The following PICALM variants were observed in gnomAD, a reference collection of about 807,000 sequenced individuals.
PICALM encodes the protein phosphatidylinositol binding clathrin assembly protein, also known as phosphatidylinositol-binding clathrin assembly protein.
PICALM carries 40 observed loss-of-function variants against 80.5 expected under a neutral mutation model. That is an observed-to-expected ratio of 0.50 (90% CI 0.39 to 0.65). PICALM has a LOEUF of 0.65. Among genes scored for constraint, PICALM ranks in the 30% least tolerant of loss-of-function variants. PICALM has a pLI of 0.00. For missense variants in PICALM, 676 were observed against 778.9 expected, an observed-to-expected ratio of 0.87 and a Z score of 1.57; for synonymous variants, 288 against 260.3, an observed-to-expected ratio of 1.11 and a Z score of -1.02.
intron 13 of PICALM, among the ~76,000 whole-genome samples, chr11:85,988,818 A>G (rs148118625): frequency 1.1e-3 from 162 of 152,382 alleles, no homozygotes; most frequent in African/African-American, 2.8e-3. Context: ...TCCATGAAGT[A>G]TTAAAAAAAC....
intron 12 of PICALM, among the ~76,000 whole-genome samples, chr11:85,993,307 G>A (rs548688414): frequency 3.3e-5 from 5 of 151,240 alleles, no homozygotes; most frequent in South Asian, 4.2e-4. Context: ...GGCTGGTCTC[G>A]AACTCCTGGG....
At chr11:85,998,946 C>T (rs780258795) in intron 11 of PICALM, among the ~76,000 whole-genome samples, 1 of 152,186 alleles carries the variant, frequency 6.6e-6, no homozygotes, top group African/African-American at 2.4e-5. Context: ...CTTATATATT[C>T]TCCAAAATAG....
rs779519925 is a variant in PICALM at position 86,003,467 on chromosome 11, T to C, written c.808-16A>G. 2.7e-6 allele frequency: 4 copies of C among 1,496,546 alleles called. No homozygotes were observed. Among genetic ancestry groups the C allele is most frequent in the Admixed American group, 3.6e-5 (2 of 55,066 alleles). 92.7% of individuals were successfully genotyped at this position (1,496,546 alleles called of 1,614,324 possible). A position where few individuals can be genotyped will look rare whatever the true frequency, so the allele number is the denominator to read the frequency against. ...TGCTAGGGGCCTGCAATTGTACAAATATTAAGAATTTCATGATAATTAGGC... is the reference window on the plus strand; with the variant it reads ...TGCTAGGGGCCTGCAATTGTACAAACATTAAGAATTTCATGATAATTAGGC... On this transcript the variant is annotated splice_polypyrimidine_tract_variant and intron_variant, in intron 8 of 19. Coordinates refer to ENST00000393346, the MANE Select transcript of PICALM (RefSeq NM_007166.4).
chr11:85,970,702 G>A (rs189110600), intron 19 of PICALM, among the ~76,000 whole-genome samples: 3 of 152,148 alleles, frequency 2.0e-5, no homozygotes, highest in African/African-American at 4.8e-5. Context: ...CAGCTGCCGG[G>A]GAGGCTGAGG....
rs188914418 is a variant in PICALM, at chr11:86,040,045, A to T, written c.131-8434T>A. ...AAAAAAAAGGCAACAAAATAAAGTT[A>T]TGTTGCAGATGCAGAGATCAGAAAT... is the stretch of plus-strand genomic sequence containing the variant. On this transcript the variant is annotated intron_variant, in intron 1 of 19. Transcript: ENST00000393346. Among the ~76,000 whole-genome samples the T allele has an allele frequency of 1.3e-3, 194 of 151,000 alleles. 1 individual carries two copies. Among genetic ancestry groups the T allele is most frequent in the African/African-American group, 4.6e-3 (189 of 41,360 alleles).
Position 85,958,927 on chromosome 11 carries a change from C to T in PICALM, c.*119G>A, listed in dbSNP as rs1457646151. On this transcript the variant is annotated 3_prime_UTR_variant, in exon 20 of 20. Transcript: ENST00000393346. ...CCTTCACTGAGTTACTTGTAGCATT[C>T]TAATGGAAGAAGAGAGTTTAAGAGA... 4.5e-6 allele frequency: 3 copies of T among 672,702 alleles called. No individual in the cohort carries two copies. The highest frequency in any genetic ancestry group is 7.7e-6 in the Non-Finnish European group (3 of 388,990). 41.7% of individuals were successfully genotyped at this position (672,702 alleles called of 1,614,324 possible). A position where few individuals can be genotyped will look rare whatever the true frequency, so the allele number is the denominator to read the frequency against.
At chr11:86,003,505 T>G in intron 8 of PICALM, 54 bp from the exon 9 acceptor site, 1 of 1,107,482 alleles carries the variant, frequency 9.0e-7, no homozygotes, top group Non-Finnish European at 1.3e-6. Flanking sequence ...CTGGTCAAAT[T>G]AAATCAAGTA....
At chr11:86,065,185 C>T (rs927909181) in intron 1 of PICALM, among the ~76,000 whole-genome samples, 2 of 152,104 alleles carry the variant, frequency 1.3e-5, no homozygotes, top group Non-Finnish European at 2.9e-5. Context: ...GTGGCTCACA[C>T]GTCTGTAATC....
intron 1 of PICALM, among the ~76,000 whole-genome samples, chr11:86,057,849 C>T (rs116432148): frequency 4.9e-3 from 750 of 152,216 alleles, no homozygotes; most frequent in Non-Finnish European, 5.5e-3. Flanking sequence ...CAAACAATGT[C>T]ATTTTACATC....
In PICALM at chr11:85,958,198, A is replaced by C. The variant is rs1039874336; in HGVS notation, c.*848T>G. 8.9e-6 allele frequency: 2 copies of C among 223,600 alleles called. No homozygotes were observed. Among genetic ancestry groups the C allele is most frequent in the Non-Finnish European group, 1.8e-5 (2 of 111,684 alleles). 13.9% of individuals were successfully genotyped at this position (223,600 alleles called of 1,614,324 possible). A position where few individuals can be genotyped will look rare whatever the true frequency, so the allele number is the denominator to read the frequency against. On this transcript the variant is annotated 3_prime_UTR_variant, in exon 20 of 20. Transcript: ENST00000393346. ...CCAATGCACTAATGCTGAATTTAAAATGTAGTGCTTTTCCTAGTCAGTGAA... is the reference window on the plus strand; with the variant it reads ...CCAATGCACTAATGCTGAATTTAAACTGTAGTGCTTTTCCTAGTCAGTGAA...
chr11:85,967,336 A>G (rs1671172515), intron 19 of PICALM, among the ~76,000 whole-genome samples: 1 of 152,228 alleles, frequency 6.6e-6, no homozygotes, highest in Non-Finnish European at 1.5e-5. Context: ...GACTTTAAGA[A>G]TACTTTCTGG....
chr11:86,048,191 C>A (rs1040708218), intron 1 of PICALM, among the ~76,000 whole-genome samples: 80 of 152,274 alleles, frequency 5.3e-4, no homozygotes, highest in African/African-American at 1.9e-3. Context: ...TCTTAGTATC[C>A]CAAGCTGCTC....
intron 2 of PICALM, among the ~76,000 whole-genome samples, chr11:86,029,263 C>T (rs997262160): frequency 5.9e-5 from 9 of 152,180 alleles, no homozygotes; most frequent in Admixed American, 5.9e-4. Flanking sequence ...CCCCCTTCCC[C>T]ACTCAGTTTT....
intron 13 of PICALM, among the ~76,000 whole-genome samples, chr11:85,987,997 C>A (rs1034379744): frequency 3.3e-5 from 5 of 152,198 alleles, no homozygotes; most frequent in African/African-American, 9.7e-5. Context: ...CCATCAAATG[C>A]CCTAATAAAT....
chr11:85,975,942 C>T (rs1219385042), intron 18 of PICALM, among the ~76,000 whole-genome samples: 1 of 152,114 alleles, frequency 6.6e-6, no homozygotes. Flanking sequence ...AGCTGTGAAA[C>T]TTCTCCACAT....
At chr11:86,031,739 T>TA (rs777282173) in intron 1 of PICALM, 128 bp from the exon 2 acceptor site, 3 of 649,558 alleles carry the variant, frequency 4.6e-6, no homozygotes, top group East Asian at 5.5e-5. Context: ...GAGATGTTGT[T>TA]AAAAATCTCT....
At chr11:85,987,660 T>G (rs79320784) in intron 13 of PICALM, among the ~76,000 whole-genome samples, 5 of 152,242 alleles carry the variant, frequency 3.3e-5, no homozygotes, top group Admixed American at 6.5e-5. Flanking sequence ...TTCTGAGAGA[T>G]AGGGTCTTGC....
At chr11:86,023,949 G>A (rs1258122551) in intron 3 of PICALM, among the ~76,000 whole-genome samples, 1 of 151,976 alleles carries the variant, frequency 6.6e-6, no homozygotes, top group Non-Finnish European at 1.5e-5. Context: ...CAGAGCAAGA[G>A]CCCATCTCTA....
chr11:86,052,192 G>A (rs1031145615), intron 1 of PICALM, among the ~76,000 whole-genome samples: 1 of 152,158 alleles, frequency 6.6e-6, no homozygotes, highest in Non-Finnish European at 1.5e-5. Flanking sequence ...GAGTTCTCAT[G>A]AGATCTGATG....
Sources: allele counts gnomAD v4.1 joint callset (sites outside exome capture counted in the v4.1 genomes callset), GRCh38; gene constraint gnomAD v4.1.1; transcripts MANE v1.5; gene names NCBI Gene and HGNC (gene_info 2026-07-23, HGNC 2026-07-21).